The following YTHDC2 variants were observed in gnomAD, a reference collection of about 807,000 sequenced individuals.
YTHDC2 encodes the protein 3'-5' RNA helicase YTHDC2.
YTHDC2 carries 45 observed loss-of-function variants against 174.9 expected under a neutral mutation model. The observed-to-expected ratio is 0.26, with a 90% CI of 0.20 to 0.33. YTHDC2 has a LOEUF of 0.33. Among genes scored for constraint, YTHDC2 ranks in the 10% least tolerant of loss-of-function variants. The pLI, the probability that YTHDC2 is intolerant of heterozygous loss-of-function variation, is 1.00. For synonymous variants in YTHDC2, 657 were observed against 574.5 expected (o/e 1.14, Z -2.05); for missense variants, 1,650 against 1,723.7 (o/e 0.96, Z 0.76).
chr5:113,582,853 G>A (rs913146579), intron 25 of YTHDC2: 2 of 152,098 alleles, frequency 1.3e-5, no homozygotes, highest in African/African-American at 4.8e-5. Flanking sequence ...AATTTAACCA[G>A]TTTCCAAGGA....
chr5:113,524,913 G>A (rs867335005), intron 2 of YTHDC2, 68 bp from the exon 3 acceptor site: 8 of 1,121,214 alleles, frequency 7.1e-6, no homozygotes, highest in Non-Finnish European at 8.5e-6. Context: ...TATTTTCTAA[G>A]TGGGCATACA....
chr5:113,556,062 A>G lies in YTHDC2; in HGVS notation c.2144A>G (p.Asp715Gly), dbSNP rs1327965210. Residue 715 changes from aspartate to glycine, a missense_variant, in exon 17 of 30, where the codon GAT becomes GGT. Asp to Gly is a moderately conservative substitution (Grantham distance 94). Around this residue, in one of 5 missense-constraint regions of YTHDC2, gnomAD observed 913 missense variants for 940.4 expected, o/e 0.97. Coordinates refer to ENST00000161863, the MANE Select transcript of YTHDC2 (RefSeq NM_022828.5). ...GTTTAAATATTACAGAAATCCTTTG[A>G]TGCTCTGAATTTTGTTACAATGTTA... Reference protein sequence around the residue: ...DSGKVKEKSFDALNFVTMLKM... With the variant: ...DSGKVKEKSFGALNFVTMLKM... 1 of 1,598,688 alleles carries G rather than the reference A, an allele frequency of 6.3e-7. No homozygotes were observed. The highest frequency in any genetic ancestry group is 1.1e-5 in the South Asian group (1 of 90,030).
intron 8 of YTHDC2, among the ~76,000 whole-genome samples, chr5:113,539,546 C>A (rs1254044531): frequency 6.6e-6 from 1 of 152,180 alleles, no homozygotes; most frequent in Non-Finnish European, 1.5e-5. Flanking sequence ...TGATTAATAA[C>A]AAACTTTGAT....
At chr5:113,584,099 C>T (rs1368831673) in intron 25 of YTHDC2, 3 of 384,220 alleles carry the variant, frequency 7.8e-6, no homozygotes, top group Non-Finnish European at 1.4e-5. Flanking sequence ...GGATCTCATA[C>T]CTAGTTAGTT....
chr5:113,592,955 A>G (rs541226696), intron 28 of YTHDC2: 39 of 165,980 alleles, frequency 2.3e-4, no homozygotes, highest in Admixed American at 2.1e-3. Flanking sequence ...TAGGTTTCAC[A>G]GTAAACCTTT....
intron 2 of YTHDC2, among the ~76,000 whole-genome samples, chr5:113,523,879 C>T (rs1774037934): frequency 6.6e-6 from 1 of 151,886 alleles, no homozygotes; most frequent in Non-Finnish European, 1.5e-5. Context: ...GTATTTATGG[C>T]TCTGTTGATT....
chr5:113,574,437 A>G (rs2112765647), intron 23 of YTHDC2, among the ~76,000 whole-genome samples: 1 of 152,288 alleles, frequency 6.6e-6, no homozygotes, highest in Admixed American at 6.5e-5. Context: ...GTCAGGAGGA[A>G]TGAGATCAGG....
chr5:113,551,629 A>G (rs1776257717), intron 12 of YTHDC2, among the ~76,000 whole-genome samples: 1 of 152,114 alleles, frequency 6.6e-6, no homozygotes, highest in African/African-American at 2.4e-5. Context: ...TAGGGGAGGG[A>G]TAGCATTAGG....
At chr5:113,589,879 T>C (rs2112822047) in intron 26 of YTHDC2, among the ~76,000 whole-genome samples, 1 of 152,352 alleles carries the variant, frequency 6.6e-6, no homozygotes, top group Non-Finnish European at 1.5e-5. Context: ...TCTGAGACTG[T>C]TTCTGTTTAT....
chr5:113,559,295 CTTG>C (rs1776810765), intron 17 of YTHDC2, among the ~76,000 whole-genome samples: 1 of 152,082 alleles, frequency 6.6e-6, no homozygotes, highest in Non-Finnish European at 1.5e-5. Context: ...CTCATATTAA[CTTG>C]TTATAACGTA....
intron 26 of YTHDC2, among the ~76,000 whole-genome samples, chr5:113,586,855 C>G (rs1260333250): frequency 7.8e-6 from 1 of 127,910 alleles, no homozygotes; most frequent in South Asian, 2.5e-4. Flanking sequence ...TCATTAATAT[C>G]TCTCTCTCTC....
chr5:113,590,054 CTGAT>C (rs1778925121), intron 26 of YTHDC2, among the ~76,000 whole-genome samples: 1 of 151,366 alleles, frequency 6.6e-6, no homozygotes, highest in Non-Finnish European at 1.5e-5. Flanking sequence ...GTAAATGTGT[CTGAT>C]TGCTCATTGC....
chr5:113,541,012 G>GA lies in YTHDC2; in HGVS notation c.1259dup (p.Asn420LysfsTer2). 1 of 1,614,074 alleles carries GA rather than the reference G, an allele frequency of 6.2e-7. No individual in the cohort carries two copies. The highest frequency in any genetic ancestry group is 8.5e-7 in the Non-Finnish European group (1 of 1,179,994). On this transcript the variant is annotated frameshift_variant, in exon 9 of 30. Coordinates refer to ENST00000161863, the MANE Select transcript of YTHDC2 (RefSeq NM_022828.5). LOFTEE classifies it high-confidence loss of function. Reference sequence around the variant, plus strand: ...ACTTACAGAATGGTACTCAGCTCAAGAAAATAGTTTCAAGCCTGAATCTCA... The same window carrying GA: ...ACTTACAGAATGGTACTCAGCTCAAGAAAAATAGTTTCAAGCCTGAATCTCA...
At chr5:113,584,520 GT>G (rs1778571678) in intron 26 of YTHDC2, 41 bp downstream of exon 26, 15 of 1,489,014 alleles carry the variant, frequency 1.0e-5, no homozygotes, top group Non-Finnish European at 1.4e-5. Flanking sequence ...GAACAGATTT[GT>G]AGCACATGTA....
chr5:113,587,859 CAATT>C (rs1169163752), intron 26 of YTHDC2, among the ~76,000 whole-genome samples: 1 of 151,704 alleles, frequency 6.6e-6, no homozygotes, highest in East Asian at 1.9e-4. Flanking sequence ...AGAAAATCAA[CAATT>C]AACACTTCTT....
At chr5:113,592,350 C>G in intron 28 of YTHDC2, 172 bp downstream of exon 28, 3 of 535,008 alleles carry the variant, frequency 5.6e-6, no homozygotes, top group Non-Finnish European at 9.2e-6. Flanking sequence ...GTAAATGTGT[C>G]TGATTGCTCC....
intron 4 of YTHDC2, among the ~76,000 whole-genome samples, chr5:113,530,313 G>C (rs569392600): frequency 6.6e-6 from 1 of 152,172 alleles, no homozygotes; most frequent in Non-Finnish European, 1.5e-5. Context: ...TATAGTACCA[G>C]TGTCTATTTC....
chr5:113,591,633 C>A (rs1438566405), intron 27 of YTHDC2, among the ~76,000 whole-genome samples: 3 of 151,808 alleles, frequency 2.0e-5, no homozygotes, highest in African/African-American at 7.3e-5. Context: ...TTAATGTATA[C>A]CTGAATTTAT....
chr5:113,560,027 C>T (rs772823385), intron 17 of YTHDC2, among the ~76,000 whole-genome samples: 2 of 152,168 alleles, frequency 1.3e-5, no homozygotes, highest in Non-Finnish European at 2.9e-5. Context: ...AAAGCTTTAG[C>T]AGAAAAACCC....
Sources: allele counts gnomAD v4.1 joint callset (sites outside exome capture counted in the v4.1 genomes callset), GRCh38; gene constraint gnomAD v4.1.1; regional missense constraint gnomAD v4.1.1; transcripts MANE v1.5; gene names NCBI Gene and HGNC (gene_info 2026-07-23, HGNC 2026-07-21).